The following PXDNL variants were observed in gnomAD, a reference collection of about 807,000 sequenced individuals.
The protein encoded by PXDNL is peroxidasin like, also known as probable oxidoreductase PXDNL.
Under a neutral mutation model 150.8 loss-of-function variants are expected in PXDNL, and 145 were observed. The observed-to-expected ratio is 0.96, with a 90% confidence interval of 0.84 to 1.10. The LOEUF (loss-of-function observed/expected upper bound fraction) is 1.10. PXDNL is among the 50% of genes least tolerant of loss of function. PXDNL has a pLI of 0.00. For missense variants in PXDNL, 2,087 were observed against 1,873.9 expected (o/e 1.11, Z -2.10); for synonymous variants, 757 against 725.7 (o/e 1.04, Z -0.69).
rs1234961756 is a variant in PXDNL, at chr8:51,403,841, C to G, written c.3557+4226G>C. ...TTCGGAATTGGTGAGGTCTCGGTCT[C>G]ACTGACTTCAAGAATGAACTTGCGG... is the stretch of plus-strand genomic sequence containing the variant. On this transcript the variant is annotated intron_variant, in intron 17 of 22. Coordinates refer to ENST00000356297, the MANE Select transcript of PXDNL (RefSeq NM_144651.5). 3.3e-5 allele frequency among the ~76,000 whole-genome samples: 5 copies of G among 152,208 alleles called. No individual in the cohort carries two copies. In the East Asian group the frequency reaches 9.7e-4, roughly 29 times the overall value.
At position 51,729,770 on chromosome 8, in the gene PXDNL, A is replaced by T. The variant is rs900610254; in HGVS notation, c.165-75010T>A. The stretch of plus-strand genomic sequence containing the variant: ...ATGTCTTTCATCAGGTGAATGGATA[A>T]ACTGTAGTACATCCACACCAGGAAC... On this transcript the variant is annotated intron_variant, in intron 1 of 22. Transcript: ENST00000356297. Among the ~76,000 whole-genome samples, 149 of 152,280 alleles carry T rather than the reference A, an allele frequency of 9.8e-4. 2 individuals are homozygous for T. The highest frequency in any genetic ancestry group is 9.7e-3 in the Admixed American group (148 of 15,300).
intron 17 of PXDNL, among the ~76,000 whole-genome samples, chr8:51,386,539 G>C (rs1375302343): frequency 1.3e-5 from 2 of 152,134 alleles, no homozygotes; most frequent in African/African-American, 4.8e-5. Context: ...GACTGATAAA[G>C]AGAGGTAGAG....
At chr8:51,524,916 C>A (rs1811735990) in intron 4 of PXDNL, among the ~76,000 whole-genome samples, 2 of 152,146 alleles carry the variant, frequency 1.3e-5, no homozygotes, top group Admixed American at 1.3e-4. Context: ...GTTAGAAATG[C>A]AAAAGTTCCA....
Position 51,690,631 on chromosome 8 carries a change from T to C in PXDNL, c.165-35871A>G, listed in dbSNP as rs953008347. On this transcript the variant is annotated intron_variant, in intron 1 of 22. Transcript: ENST00000356297. ...TGTGAATACTGCCGCAATAAACATA[T>C]GTGTCCATGTGTCGTTATAGCAGTA... Among the ~76,000 whole-genome samples the C allele has an allele frequency of 2.6e-5, 4 of 152,330 alleles. No individual in the cohort carries two copies. In the South Asian group the frequency reaches 6.2e-4, roughly 24 times the overall value.
At chr8:51,497,691 C>G (rs1485327866) in intron 5 of PXDNL, among the ~76,000 whole-genome samples, 1 of 152,232 alleles carries the variant, frequency 6.6e-6, no homozygotes, top group African/African-American at 2.4e-5. Flanking sequence ...TGCTCATCAT[C>G]ATTGGCCATC....
chr8:51,331,557 G>C (rs115065202), intron 21 of PXDNL, among the ~76,000 whole-genome samples: 2 of 152,212 alleles, frequency 1.3e-5, no homozygotes, highest in Non-Finnish European at 2.9e-5. Context: ...CTTTTCTTTC[G>C]TAGCTGGGAG....
At chr8:51,638,317 A>T (rs1163522072) in intron 2 of PXDNL, among the ~76,000 whole-genome samples, 5 of 152,184 alleles carry the variant, frequency 3.3e-5, no homozygotes, top group Non-Finnish European at 7.3e-5. Context: ...ACCAGCTAAC[A>T]TCATAATGAC....
intron 2 of PXDNL, among the ~76,000 whole-genome samples, chr8:51,607,476 C>T (rs1813861456): frequency 6.6e-6 from 1 of 152,116 alleles, no homozygotes; most frequent in South Asian, 2.1e-4. Flanking sequence ...CCAATAAGTG[C>T]TGGGGCTGCT....
rs537889352 is a variant in PXDNL at position 51,686,601 on chromosome 8, T to C, written c.165-31841A>G. On this transcript the variant is annotated intron_variant, in intron 1 of 22. Transcript: ENST00000356297. ...TAGTTTTTATAATCGTGTTGCTTTA[T>C]ATGCATGAGAATTAACCTAGAATTA... Among the ~76,000 whole-genome samples, 218 of 152,316 alleles carry C rather than the reference T, an allele frequency of 1.4e-3. 2 individuals carry two copies. The highest frequency in any genetic ancestry group is 7.3e-4 in the Non-Finnish European group (50 of 68,030).
At chr8:51,486,794 ATTTTTTTTTTTTTTTT>A (rs1195750381) in intron 5 of PXDNL, among the ~76,000 whole-genome samples, 6 of 24,716 alleles carry the variant, frequency 2.4e-4, no homozygotes, top group African/African-American at 3.5e-4. Flanking sequence ...ATATATATAT[ATTTTTTTTTTTTTTTT>A]TTTTTTTTTT....
intron 1 of PXDNL, among the ~76,000 whole-genome samples, chr8:51,658,254 A>T (rs1364580536): frequency 1.3e-5 from 2 of 150,812 alleles, no homozygotes; most frequent in African/African-American, 4.9e-5. Context: ...AGGTGGGAAG[A>T]TCGCTTGGGC....
intron 13 of PXDNL, 37 bp downstream of exon 13, chr8:51,426,609 G>T: frequency 8.3e-7 from 1 of 1,206,218 alleles, no homozygotes; most frequent in Non-Finnish European, 1.2e-6. Context: ...ATCTGTCAGT[G>T]TTTTTAATAT....
intron 1 of PXDNL, among the ~76,000 whole-genome samples, chr8:51,801,526 A>T (rs1223218091): frequency 6.6e-6 from 1 of 152,110 alleles, no homozygotes; most frequent in African/African-American, 2.4e-5. Flanking sequence ...GACATCATGG[A>T]CCTACTGATA....
chr8:51,613,403 A>C (rs2130719444), intron 2 of PXDNL, among the ~76,000 whole-genome samples: 1 of 145,258 alleles, frequency 6.9e-6, no homozygotes, highest in Non-Finnish European at 1.5e-5. Context: ...TACAGGCAGT[A>C]TCTGAAGACA....
At chr8:51,619,763 A>C (rs1319421572) in intron 2 of PXDNL, among the ~76,000 whole-genome samples, 2 of 152,142 alleles carry the variant, frequency 1.3e-5, no homozygotes, top group Non-Finnish European at 2.9e-5. Context: ...TCTTTTCTTT[A>C]TAAATTGACC....
chr8:51,668,605 T>C (rs1815438256), intron 1 of PXDNL, among the ~76,000 whole-genome samples: 2 of 152,214 alleles, frequency 1.3e-5, no homozygotes, highest in Admixed American at 6.5e-5. Flanking sequence ...CAAATGTATA[T>C]GACTGCTGGT....
At chr8:51,755,702 C>A (rs1269326284) in intron 1 of PXDNL, among the ~76,000 whole-genome samples, 2 of 152,136 alleles carry the variant, frequency 1.3e-5, no homozygotes, top group African/African-American at 4.8e-5. Flanking sequence ...TAAAATTTAT[C>A]TTTTACCTTT....
At chr8:51,530,696 G>A (rs79092103) in intron 4 of PXDNL, among the ~76,000 whole-genome samples, 31 of 151,952 alleles carry the variant, frequency 2.0e-4, no homozygotes, top group African/African-American at 6.8e-4. Flanking sequence ...CACACTCTGC[G>A]TGTAGTGCTC....
chr8:51,647,983 T>C (rs530727936), intron 2 of PXDNL, among the ~76,000 whole-genome samples: 5 of 152,314 alleles, frequency 3.3e-5, no homozygotes, highest in Non-Finnish European at 7.4e-5. Context: ...TGGTATGACA[T>C]CTTGGGCTTC....
Sources: gnomAD v4.1 joint callset for allele counts (sites outside exome capture counted in the v4.1 genomes callset) on GRCh38, gnomAD v4.1.1 for gene constraint, MANE v1.5 for transcripts, NCBI Gene and HGNC (gene_info 2026-07-23, HGNC 2026-07-21) for gene names.